Variants in NAGK observed in about 807,000 individuals in gnomAD.
NAGK encodes the protein N-acetyl-D-glucosamine kinase.
Under a neutral mutation model 42.9 loss-of-function variants are expected in NAGK, and 35 were observed. The observed-to-expected ratio is 0.82, with a 90% CI of 0.62 to 1.08. NAGK has a LOEUF of 1.08. Ranked by LOEUF, NAGK falls within the 50% of genes least tolerant of loss-of-function variation. The pLI, the probability that NAGK is intolerant of heterozygous loss-of-function variation, is 0.00. For synonymous variants in NAGK, 172 were observed against 176.0 expected (o/e 0.98, Z 0.18); for missense variants, 446 against 446.0 (o/e 1.00, Z 0.00).
upstream of NAGK, chr2:71,068,428 C>T: frequency 3.8e-6 from 5 of 1,320,984 alleles, no homozygotes; most frequent in Non-Finnish European, 3.9e-6. Context: ...AAGCAGGATC[C>T]AGGAGGACGG....
chr2:71,071,442 C>T, intron 3 of NAGK: 1 of 530,124 alleles, frequency 1.9e-6, no homozygotes, highest in Non-Finnish European at 3.3e-6. Context: ...CACTACTGCC[C>T]TTCCAAGCTC....
intron 4 of NAGK, chr2:71,072,183 T>G (rs139713094): frequency 3.8e-4 from 105 of 277,302 alleles, no homozygotes; most frequent in African/African-American, 2.0e-3. Flanking sequence ...GGGATTGGTG[T>G]TTGAATCCCA....
At chr2:71,077,522 G>A (rs746940078) in intron 8 of NAGK, 36 bp from the exon 9 acceptor site, 5 of 1,573,964 alleles carry the variant, frequency 3.2e-6, no homozygotes, top group African/African-American at 1.4e-5. Flanking sequence ...GAGAGGCTAG[G>A]TTGGCCCCCA....
rs748957562 is a variant in NAGK, at chr2:71,072,239, C to CTTA, written c.356-401_356-400insTAT. The CTTA allele has an allele frequency of 1.2e-5, 3 of 257,326 alleles. No individual in the cohort carries two copies. The East Asian group carries it at 2.7e-4, about 23-fold the overall frequency. 15.9% of individuals were successfully genotyped at this position (257,326 alleles called of 1,614,324 possible). On this transcript the variant is annotated intron_variant, in intron 4 of 9. Coordinates refer to ENST00000244204, the MANE Select transcript of NAGK (RefSeq NM_017567.6). Reference sequence around the variant, plus strand: ...ACCATGTTGGCGAAGTTCCAAAACTCTGAGTTTCAGTTTTCTCATCTATAA... The same window carrying CTTA: ...ACCATGTTGGCGAAGTTCCAAAACTCTTATGAGTTTCAGTTTTCTCATCTATAA...
chr2:71,070,366 G>C, intron 1 of NAGK, 136 bp from the exon 2 acceptor site: 1 of 629,542 alleles, frequency 1.6e-6, no homozygotes, highest in African/African-American at 1.8e-5. Context: ...CCACAGAGGC[G>C]GGTTTGGGAG....
chr2:71,075,402 C>T, intron 6 of NAGK, 153 bp from the exon 7 acceptor site: 1 of 604,078 alleles, frequency 1.7e-6, no homozygotes, highest in East Asian at 2.8e-5. Flanking sequence ...TAACTTTTCT[C>T]AAATGAGAAA....
intron 5 of NAGK, 147 bp from the exon 6 acceptor site, chr2:71,073,335 C>CCCCCCCCTG: frequency 1.9e-6 from 1 of 524,958 alleles, no homozygotes; most frequent in Non-Finnish European, 3.6e-6. Context: ...CCCCCCTCTC[C>CCCCCCCCTG]CACCCCCTGC....
chr2:71,071,819 C>T lies in NAGK; in HGVS notation c.347C>T (p.Thr116Ile), dbSNP rs774561962. 8.7e-6 allele frequency: 14 copies of T among 1,613,960 alleles called. No individual in the cohort carries two copies. The highest frequency in any genetic ancestry group is 1.1e-5 in the Non-Finnish European group (13 of 1,180,000). The change falls in exon 4 of 10, where the codon ACA becomes ATA. Residue 116 changes from threonine (T) to isoleucine (I), a missense_variant. Transcript: ENST00000244204. Reference protein sequence around the residue: ...TDAAGSIATATPDGGVVLISG... With the variant: ...TDAAGSIATAIPDGGVVLISG... ...GCCGCCGGCTCCATCGCCACAGCTA[C>T]ACCGGATGGTGAGGAAGTGGAGGGA...
chr2:71,077,537 C>T (rs1388692090), intron 8 of NAGK, 21 bp from the exon 9 acceptor site: 2 of 1,591,660 alleles, frequency 1.3e-6, no homozygotes, highest in Admixed American at 1.7e-5. Context: ...CCCCCATATC[C>T]ATTTTCTGCT....
At chr2:71,069,124 C>G in intron 1 of NAGK, 1 of 1,005,194 alleles carries the variant, frequency 9.9e-7, no homozygotes, top group Non-Finnish European at 1.2e-6. Context: ...GGACAAAGAT[C>G]TTGGCTGAGG....
At chr2:71,068,743 C>T (rs758526121) in intron 1 of NAGK, 31 bp downstream of exon 1, 112 of 1,447,666 alleles carry the variant, frequency 7.7e-5, no homozygotes, top group Middle Eastern at 2.4e-4. Context: ...GGAGCCTGGG[C>T]CCGAAGGCGG....
chr2:71,077,867 T>G (rs371584264), intron 9 of NAGK, among the ~76,000 whole-genome samples: 1 of 152,208 alleles, frequency 6.6e-6, no homozygotes, highest in East Asian at 1.9e-4. Flanking sequence ...CCAAATGATT[T>G]ATTGAATAAT....
At chr2:71,076,427 A>G (rs1672212336) in intron 7 of NAGK, 177 bp from the exon 8 acceptor site, 7 of 562,140 alleles carry the variant, frequency 1.2e-5, no homozygotes, top group Middle Eastern at 5.0e-4. Context: ...GGTAGCTGGT[A>G]TGTTTGTCAG....
chr2:71,070,760 G>A lies in NAGK; in HGVS notation c.134G>A (p.Cys45Tyr). The change falls in exon 3 of 10, where the codon TGT (cysteine) becomes TAT (tyrosine). Residue 45 changes from cysteine to tyrosine, a missense_variant. By Grantham distance (194) the Cys-to-Tyr change is radical. Transcript: ENST00000244204. ...TNHWLIGTDK[C>Y]VERINEMVNR... is the part of the protein sequence containing the mutation. ...GGCCAGCTGATCGGGACAGACAAGT[G>A]TGTGGAGAGGATCAATGAGATGGTG... 2.5e-6 allele frequency: 4 copies of A among 1,614,220 alleles called. No homozygotes were observed. Among genetic ancestry groups the A allele is most frequent in the Non-Finnish European group, 3.4e-6 (4 of 1,180,038 alleles).
intron 1 of NAGK, 99 bp from the exon 2 acceptor site, chr2:71,070,403 T>C: frequency 3.1e-6 from 3 of 963,434 alleles, no homozygotes; most frequent in East Asian, 5.0e-5. Flanking sequence ...CGAAGCTGTC[T>C]CCTCCATCAT....
chr2:71,074,281 A>G (rs1192480822), intron 6 of NAGK, among the ~76,000 whole-genome samples: 1 of 152,096 alleles, frequency 6.6e-6, no homozygotes, highest in Admixed American at 6.5e-5. Context: ...CCAAGGAAGG[A>G]AAATAGAGAT....
At chr2:71,071,858 G>T (rs1672024333) in intron 4 of NAGK, 31 bp downstream of exon 4, 2 of 1,610,972 alleles carry the variant, frequency 1.2e-6, no homozygotes, top group South Asian at 1.1e-5. Flanking sequence ...GTGAGAGTGA[G>T]AACTGGTTTT....
rs766385531 is a variant in NAGK, at chr2:71,071,823, G to A, written c.351G>A (p.Pro117=). The stretch of plus-strand genomic sequence containing the variant: ...CCGGCTCCATCGCCACAGCTACACC[G>A]GATGGTGAGGAAGTGGAGGGAGGGG... The part of the protein sequence containing the change: ...DAAGSIATAT[P]DGGVVLISGT... The change falls in exon 4 of 10, where the codon CCG becomes CCA. Residue 117 remains proline (P), a synonymous_variant. Transcript: ENST00000244204. The A allele has an allele frequency of 9.9e-6, 16 of 1,613,902 alleles. No homozygotes were observed. The highest frequency in any genetic ancestry group is 4.0e-5 in the African/African-American group (3 of 74,926).
intron 1 of NAGK, chr2:71,070,109 G>T: frequency 4.8e-6 from 1 of 207,336 alleles, no homozygotes; most frequent in Non-Finnish European, 1.0e-5. Flanking sequence ...GGAGCTTGAA[G>T]TCTAGTGAGA....
Sources: gnomAD v4.1 joint callset for allele counts (sites outside exome capture counted in the v4.1 genomes callset) on GRCh38, gnomAD v4.1.1 for gene constraint, MANE v1.5 for transcripts, NCBI Gene and HGNC (gene_info 2026-07-23, HGNC 2026-07-21) for gene names.